Variants in NFIB observed in about 807,000 individuals in gnomAD.
NFIB encodes the protein nuclear factor I B.
A neutral mutation model predicts 61.5 loss-of-function variants in NFIB; 11 were observed. The observed-to-expected ratio is 0.18, with a 90% CI of 0.11 to 0.30. The LOEUF (loss-of-function observed/expected upper bound fraction) is 0.30, where lower values mean the gene tolerates loss of function less well. Ranked by LOEUF, NFIB falls within the 10% of genes least tolerant of loss-of-function variation. NFIB has a pLI of 1.00. For missense variants in NFIB, 471 were observed against 608.9 expected (o/e 0.77, Z 2.38); for synonymous variants, 260 against 216.5 (o/e 1.20, Z -1.76).
intron 2 of NFIB, among the ~76,000 whole-genome samples, chr9:14,275,560 A>G (rs1442635008): frequency 2.0e-5 from 3 of 152,262 alleles, no homozygotes; most frequent in African/African-American, 4.8e-5. Flanking sequence ...TTGAAGAATG[A>G]TATCTGTGTA....
intron 1 of NFIB, among the ~76,000 whole-genome samples, chr9:14,383,733 C>A (rs748405237): frequency 5.3e-5 from 8 of 152,156 alleles, no homozygotes; most frequent in African/African-American, 1.9e-4. Flanking sequence ...TGGCAGAGAG[C>A]GTACTCTGAA....
In NFIB at chr9:14,146,088, T is replaced by A. The variant is rs373721227; in HGVS notation, c.925+601A>T. Among the ~76,000 whole-genome samples the A allele has an allele frequency of 3.1e-3, 470 of 152,242 alleles. 4 individuals carry two copies. Among genetic ancestry groups the A allele is most frequent in the South Asian group, 8.5e-3 (41 of 4,814 alleles). On this transcript the variant is annotated intron_variant, in intron 6 of 10. Transcript: ENST00000380953. The stretch of plus-strand genomic sequence containing the variant: ...AAATCCAACAGACTTTAAGAAGAGC[T>A]AAGTCTCAATCCTTCCGGGTCTCAA...
chr9:14,451,571 G>T, the NFIB span, among the ~76,000 whole-genome samples: 1 of 152,118 alleles, frequency 6.6e-6, no homozygotes, highest in Non-Finnish European at 1.5e-5. Context: ...ACTTCAGGCC[G>T]AACATAAGTT....
intron 1 of NFIB, among the ~76,000 whole-genome samples, chr9:14,353,719 G>A (rs1318230298): frequency 6.6e-6 from 1 of 152,132 alleles, no homozygotes; most frequent in Non-Finnish European, 1.5e-5. Context: ...TGAGACCCGG[G>A]GACCAGCTGG....
exon 1 of NFIB, chr9:14,398,574 A>C: frequency 6.5e-7 from 1 of 1,535,426 alleles, no homozygotes; most frequent in Non-Finnish European, 8.7e-7. Context: ...CCAGGGTTAC[A>C]TTTCAGAACT....
chr9:14,441,563 T>C, the NFIB span, among the ~76,000 whole-genome samples: 5 of 151,246 alleles, frequency 3.3e-5, no homozygotes, highest in Non-Finnish European at 2.9e-5. Context: ...CCCAGTTGCA[T>C]ATAGCCCAGA....
intron 1 of NFIB, among the ~76,000 whole-genome samples, chr9:14,311,811 T>C (rs1054019838): frequency 6.6e-6 from 1 of 152,224 alleles, no homozygotes; most frequent in African/African-American, 2.4e-5. Flanking sequence ...TAAGTGATGC[T>C]ATACTCTGTA....
Position 14,086,435 on chromosome 9 carries a change from A to G in NFIB, c.*1874T>C, listed in dbSNP as rs1009509420. 9.2e-6 allele frequency: 2 copies of G among 217,542 alleles called. No homozygotes were observed. The highest frequency in any genetic ancestry group is 2.2e-5 in the African/African-American group (1 of 44,496). 13.5% of individuals were successfully genotyped at this position (217,542 alleles called of 1,614,324 possible). On this transcript the variant is annotated 3_prime_UTR_variant, in exon 11 of 11. Transcript: ENST00000380953. ...TATAATAACCAATACAGCTAAAAGC[A>G]CTACCTACATAGGCAAAACTTGGTA... is the stretch of plus-strand genomic sequence containing the variant.
the NFIB span, among the ~76,000 whole-genome samples, chr9:14,495,446 C>CTTTTTTTTTTTTTTTTTTTTTTTTTTT: frequency 8.5e-5 from 10 of 117,258 alleles, 2 homozygotes; most frequent in African/African-American, 3.8e-4. Context: ...GAGAAATGAA[C>CTTTTTTTTTTTTTTTTTTTTTTTTTTT]TTTTTTTTTT....
the NFIB span, among the ~76,000 whole-genome samples, chr9:14,492,808 T>C: frequency 6.6e-6 from 1 of 152,142 alleles, no homozygotes; most frequent in African/African-American, 2.4e-5. Context: ...GCTAGGTCCC[T>C]TTTATAGGTA....
At chr9:14,144,072 T>C (rs2042039663) in intron 6 of NFIB, among the ~76,000 whole-genome samples, 1 of 150,694 alleles carries the variant, frequency 6.6e-6, no homozygotes. Context: ...TCTTCCTTCC[T>C]CTAAACATAA....
At chr9:14,526,489 G>A in the NFIB span, among the ~76,000 whole-genome samples, 1 of 152,018 alleles carries the variant, frequency 6.6e-6, no homozygotes, top group Non-Finnish European at 1.5e-5. Flanking sequence ...ATATCCCTTA[G>A]CAGAACTTCT....
intron 2 of NFIB, among the ~76,000 whole-genome samples, chr9:14,252,728 C>G (rs1351936379): frequency 6.6e-6 from 1 of 152,094 alleles, no homozygotes; most frequent in Non-Finnish European, 1.5e-5. Context: ...AACAAGATCA[C>G]GAGAACAGGC....
the NFIB span, among the ~76,000 whole-genome samples, chr9:14,504,632 T>C: frequency 3.3e-5 from 5 of 152,228 alleles, no homozygotes; most frequent in African/African-American, 9.6e-5. Flanking sequence ...ATTCTTAGCT[T>C]GCTCACTGTT....
intron 2 of NFIB, among the ~76,000 whole-genome samples, chr9:14,296,659 G>C (rs1266269567): frequency 1.3e-5 from 2 of 152,216 alleles, no homozygotes; most frequent in African/African-American, 4.8e-5. Context: ...ACCCGGAAGA[G>C]AGCCCTCGCT....
chr9:14,119,624 A>G (rs2038658398), intron 8 of NFIB, among the ~76,000 whole-genome samples: 1 of 152,234 alleles, frequency 6.6e-6, no homozygotes, highest in African/African-American at 2.4e-5. Flanking sequence ...AAAAGGTATA[A>G]TAAGTGGACA....
At chr9:14,090,401 T>C (rs1455570242) in intron 10 of NFIB, among the ~76,000 whole-genome samples, 1 of 152,130 alleles carries the variant, frequency 6.6e-6, no homozygotes, top group African/African-American at 2.4e-5. Context: ...CAATGTTACA[T>C]AATGAATCAT....
At chr9:14,315,314 C>A (rs1194441951), upstream of NFIB, among the ~76,000 whole-genome samples, 1 of 151,164 alleles carries the variant, frequency 6.6e-6, no homozygotes, top group South Asian at 2.1e-4. Context: ...GGGGGTGCCC[C>A]GTGCACGTGG....
At chr9:14,373,842 A>T (rs2061387150) in intron 1 of NFIB, among the ~76,000 whole-genome samples, 1 of 152,204 alleles carries the variant, frequency 6.6e-6, no homozygotes, top group African/African-American at 2.4e-5. Context: ...ATTATGTTTC[A>T]ATCACCAGGG....
Sources: gnomAD v4.1 joint callset for allele counts (sites outside exome capture counted in the v4.1 genomes callset) on GRCh38, gnomAD v4.1.1 for gene constraint, MANE v1.5 for transcripts, NCBI Gene and HGNC (gene_info 2026-07-23, HGNC 2026-07-21) for gene names.